Variants in DRD3 observed in about 807,000 individuals in gnomAD.
DRD3 encodes the protein D(3) dopamine receptor.
In DRD3, 19 loss-of-function variants were observed where a neutral mutation model predicts 36.3. The observed-to-expected ratio is 0.52, with a 90% CI of 0.36 to 0.77. The LOEUF is 0.77. Among genes scored for constraint, DRD3 ranks in the 30% least tolerant of loss-of-function variants. The probability of loss-of-function intolerance (pLI) is 0.00; values close to 1 mark genes in which losing one functional copy is unlikely to be tolerated. For missense variants in DRD3, 465 were observed against 505.3 expected (o/e 0.92, Z 0.77); for synonymous variants, 195 against 203.7 (o/e 0.96, Z 0.36).
intron 1 of DRD3, among the ~76,000 whole-genome samples, chr3:114,176,842 A>G (rs894887706): frequency 2.0e-5 from 3 of 152,214 alleles, no homozygotes; most frequent in African/African-American, 7.2e-5. Flanking sequence ...ATTAATAATT[A>G]TAGCTAAAAT....
At chr3:114,159,949 TG>T (rs1353084268) in intron 2 of DRD3, 82 bp from the exon 3 acceptor site, 2 of 1,238,720 alleles carry the variant, frequency 1.6e-6, no homozygotes, top group Admixed American at 3.6e-5. Flanking sequence ...TTTGCTTTGC[TG>T]CCTAGTGTAG....
chr3:114,193,599 A>G (rs1395642320), intron 1 of DRD3, among the ~76,000 whole-genome samples: 1 of 152,138 alleles, frequency 6.6e-6, no homozygotes, highest in African/African-American at 2.4e-5. Context: ...GCATATGGCC[A>G]CCTCCTATGA....
At chr3:114,195,493 C>A (rs1022615301) in intron 1 of DRD3, among the ~76,000 whole-genome samples, 6 of 152,074 alleles carry the variant, frequency 3.9e-5, no homozygotes, top group Non-Finnish European at 8.8e-5. Context: ...AAAATATTTC[C>A]ATTATTCACA....
At chr3:114,190,966 G>A (rs1218463154) in intron 1 of DRD3, among the ~76,000 whole-genome samples, 1 of 152,118 alleles carries the variant, frequency 6.6e-6, no homozygotes, top group Non-Finnish European at 1.5e-5. Context: ...TATAGGGTAT[G>A]GGAGTTACGT....
At chr3:114,157,431 C>T (rs1284651363) in intron 3 of DRD3, among the ~76,000 whole-genome samples, 1 of 152,072 alleles carries the variant, frequency 6.6e-6, no homozygotes, top group African/African-American at 2.4e-5. Flanking sequence ...TCACAATGAT[C>T]CTCTTTTCCA....
intron 5 of DRD3, among the ~76,000 whole-genome samples, chr3:114,132,626 CTCT>C (rs1234700965): frequency 2.0e-5 from 3 of 150,370 alleles, no homozygotes; most frequent in Non-Finnish European, 4.4e-5. Context: ...TCACAACAAC[CTCT>C]TGAGCAGGGT....
Position 114,171,161 on chromosome 3 carries a change from C to T in DRD3, c.270+562G>A, listed in dbSNP as rs1358550859. ...TATACATTTGAGGGTTTTGTCTGTT[C>T]CTTTGGTAGCAGAGTCTATGGAGAA... On this transcript the variant is annotated intron_variant, in intron 2 of 6. Transcript: ENST00000383673. Among the ~76,000 whole-genome samples, 6 of 152,162 alleles carry T rather than the reference C, an allele frequency of 3.9e-5. No individual in the cohort carries two copies. The East Asian group carries it at 1.2e-3, about 29-fold the overall frequency.
At chr3:114,164,785 C>T (rs887067136) in intron 2 of DRD3, among the ~76,000 whole-genome samples, 10 of 152,172 alleles carry the variant, frequency 6.6e-5, no homozygotes, top group Non-Finnish European at 1.3e-4. Context: ...TGGAGTCTCG[C>T]GCTGTCGCCC....
intron 5 of DRD3, among the ~76,000 whole-genome samples, chr3:114,132,028 C>T (rs1202646274): frequency 6.6e-6 from 1 of 152,108 alleles, no homozygotes; most frequent in African/African-American, 2.4e-5. Flanking sequence ...ACCAGAAATA[C>T]CATTTGACCC....
intron 1 of DRD3, among the ~76,000 whole-genome samples, chr3:114,192,960 T>TA (rs1335893601): frequency 4.6e-5 from 7 of 151,726 alleles, no homozygotes; most frequent in Admixed American, 3.3e-4. Flanking sequence ...ATTGGAAATT[T>TA]AAAAAAAAGC....
chr3:114,187,240 G>A (rs1306893653), intron 1 of DRD3, among the ~76,000 whole-genome samples: 1 of 152,146 alleles, frequency 6.6e-6, no homozygotes, highest in Non-Finnish European at 1.5e-5. Flanking sequence ...CATTATTTTT[G>A]TCGTAAGTTG....
chr3:114,174,512 C>T (rs1044918671), intron 1 of DRD3, among the ~76,000 whole-genome samples: 1 of 152,222 alleles, frequency 6.6e-6, no homozygotes, highest in African/African-American at 2.4e-5. Flanking sequence ...AAACCCTCAA[C>T]TCTGAAAATC....
chr3:114,185,930 G>A (rs573068862), intron 1 of DRD3, among the ~76,000 whole-genome samples: 85 of 152,280 alleles, frequency 5.6e-4, no homozygotes, highest in Non-Finnish European at 1.1e-3. Context: ...GACATTTGAA[G>A]TTAATAATGT....
rs2399500 is a variant in DRD3 at position 114,156,871 on chromosome 3, T to C, written c.383+2884A>G. Among the ~76,000 whole-genome samples, 48 of 6,016 alleles carry C rather than the reference T, an allele frequency of 8.0e-3. No individual in the cohort carries two copies. In the South Asian group the frequency reaches 0.11, roughly 14 times the overall value. The allele number at this position is 6,016 out of a possible 152,430, so 3.9% of individuals were successfully genotyped here. Reference sequence around the variant, plus strand: ...TTTCTTTCTTTCTTCCTTTCTTTCTTTTTCTTTCTCTTTCTTTTCTTCTCT... The same window carrying C: ...TTTCTTTCTTTCTTCCTTTCTTTCTCTTTCTTTCTCTTTCTTTTCTTCTCT... On this transcript the variant is annotated intron_variant, in intron 3 of 6. Transcript: ENST00000383673.
Position 114,174,844 on chromosome 3 carries a change from T to C in DRD3, c.-35-2817A>G, listed in dbSNP as rs142497210. The stretch of plus-strand genomic sequence containing the variant: ...CCCCTCTGTTAGATATGCTAACAGA[T>C]AGGAAACGGGTCTCAGGTAAGAAGA... On this transcript the variant is annotated intron_variant, in intron 1 of 6. Coordinates refer to ENST00000383673, the MANE Select transcript of DRD3 (RefSeq NM_000796.6). 2.5e-3 allele frequency among the ~76,000 whole-genome samples: 382 copies of C among 151,898 alleles called. 1 individual carries two copies. The highest frequency in any genetic ancestry group is 3.9e-3 in the Non-Finnish European group (265 of 67,946).
At chr3:114,133,571 T>C (rs1019285385) in intron 5 of DRD3, among the ~76,000 whole-genome samples, 1 of 6,352 alleles carries the variant, frequency 1.6e-4, no homozygotes, top group Admixed American at 5.2e-3. Flanking sequence ...ACTTAGTAGA[T>C]GTATCTTTAG....
intron 1 of DRD3, among the ~76,000 whole-genome samples, chr3:114,175,514 G>T (rs2077889557): frequency 1.3e-5 from 2 of 152,176 alleles, no homozygotes; most frequent in Admixed American, 1.3e-4. Context: ...ACAATTAGCT[G>T]AGAGACAGAG....
chr3:114,128,511 T>C lies in DRD3; in HGVS notation c.*205A>G. ...GGAAGCTCCCCAGTCATTTGAAGAT[T>C]GTCAGAATGAAGTCAGATTTTAGCT... On this transcript the variant is annotated 3_prime_UTR_variant, in exon 7 of 7. Transcript: ENST00000383673. 2.3e-6 allele frequency: 1 copy of C among 440,348 alleles called. No homozygotes were observed. The allele number at this position is 440,348 out of a possible 1,614,324, so 27.3% of individuals were successfully genotyped here. A position where few individuals can be genotyped will look rare whatever the true frequency, so the allele number is the denominator to read the frequency against.
At chr3:114,173,057 G>A (rs1400291680) in intron 1 of DRD3, among the ~76,000 whole-genome samples, 1 of 151,932 alleles carries the variant, frequency 6.6e-6, no homozygotes, top group African/African-American at 2.4e-5. Context: ...AGGTGATTAG[G>A]TTATGAGGAC....
Sources: allele counts gnomAD v4.1 joint callset (sites outside exome capture counted in the v4.1 genomes callset), GRCh38; gene constraint gnomAD v4.1.1; transcripts MANE v1.5; gene names NCBI Gene and HGNC (gene_info 2026-07-23, HGNC 2026-07-21).